The following SYNE1 variants were observed in gnomAD, a reference collection of about 807,000 sequenced individuals.
SYNE1 encodes spectrin repeat containing nuclear envelope protein 1.
A neutral mutation model predicts 1,111.0 loss-of-function variants in SYNE1; 616 were observed. That is an observed-to-expected ratio of 0.55 (90% CI 0.52 to 0.59). The LOEUF is 0.59. SYNE1 is among the 20% of genes least tolerant of loss of function. The probability of loss-of-function intolerance (pLI) is 0.00; values close to 1 mark genes in which losing one functional copy is unlikely to be tolerated. For missense variants in SYNE1, 10,006 were observed against 10,417.0 expected, an observed-to-expected ratio of 0.96 and a Z score of 1.72; for synonymous variants, 3,855 against 3,825.8, an observed-to-expected ratio of 1.01 and a Z score of -0.28.
rs111389056 is a variant in SYNE1, at chr6:152,297,171, A to G, written c.17683-3044T>C. Reference sequence around the variant, plus strand: ...CATTTCCCCCTCTCCTCCTCCTCCAATGTTTCTCCAATTACACTGAAACTA... The same window carrying G: ...CATTTCCCCCTCTCCTCCTCCTCCAGTGTTTCTCCAATTACACTGAAACTA... On this transcript the variant is annotated intron_variant, in intron 93 of 145. Coordinates refer to ENST00000367255, the MANE Select transcript of SYNE1 (RefSeq NM_182961.4). 3.5e-3 allele frequency among the ~76,000 whole-genome samples: 532 copies of G among 151,848 alleles called. 1 individual carries two copies. Among genetic ancestry groups the G allele is most frequent in the African/African-American group, 0.012 (501 of 41,398 alleles).
chr6:152,346,279 G>A (rs1225933675), intron 73 of SYNE1, among the ~76,000 whole-genome samples: 1 of 152,020 alleles, frequency 6.6e-6, no homozygotes, highest in Admixed American at 6.6e-5. Context: ...CGATTCTGCT[G>A]CCTCAGCCTC....
chr6:152,186,133 A>C (rs1042839648), intron 128 of SYNE1, among the ~76,000 whole-genome samples: 4 of 152,358 alleles, frequency 2.6e-5, no homozygotes, highest in Admixed American at 2.0e-4. Flanking sequence ...AAGAATAATA[A>C]CACAATGCCA....
At chr6:152,339,498 C>A in intron 74 of SYNE1, 132 bp from the exon 75 acceptor site, 1 of 1,313,540 alleles carries the variant, frequency 7.6e-7, no homozygotes, top group Non-Finnish European at 1.1e-6. Context: ...CCATTGTGTT[C>A]AAGTGACATA....
intron 128 of SYNE1, among the ~76,000 whole-genome samples, chr6:152,184,153 T>G (rs185944476): frequency 4.6e-4 from 70 of 152,310 alleles, no homozygotes; most frequent in Non-Finnish European, 9.0e-4. Context: ...TTGACTGATA[T>G]GGCCAGGCGC....
At chr6:152,134,965 TA>T in intron 142 of SYNE1, 138 bp downstream of exon 142, 1 of 1,143,458 alleles carries the variant, frequency 8.7e-7, no homozygotes, top group Non-Finnish European at 1.3e-6. Flanking sequence ...CACAGGGAGT[TA>T]AAAAAGTGTA....
At chr6:152,605,025 A>AGG (rs1565141044) in intron 3 of SYNE1, among the ~76,000 whole-genome samples, 18 of 67,460 alleles carry the variant, frequency 2.7e-4, no homozygotes, top group Middle Eastern at 6.4e-3. Flanking sequence ...AGAGAGAGAG[A>AGG]GAGAGAGAGA....
intron 37 of SYNE1, 135 bp from the exon 38 acceptor site, chr6:152,427,951 C>A (rs2098385586): frequency 7.7e-7 from 1 of 1,301,592 alleles, no homozygotes; most frequent in Non-Finnish European, 1.1e-6. Context: ...GATATGCCAG[C>A]ACAAAAATCC....
intron 77 of SYNE1, among the ~76,000 whole-genome samples, chr6:152,332,421 C>T (rs1190006302): frequency 1.3e-5 from 2 of 152,216 alleles, no homozygotes; most frequent in Non-Finnish European, 2.9e-5. Flanking sequence ...ACCAAGTTGC[C>T]TACTTCTTTC....
In SYNE1 at chr6:152,220,883, T is replaced by A. The variant is rs775870306; in HGVS notation, c.21820A>T (p.Ile7274Phe). 2 of 1,614,160 alleles carry A rather than the reference T, an allele frequency of 1.2e-6. No homozygotes were observed. Among genetic ancestry groups the A allele is most frequent in the Admixed American group, 1.7e-5 (1 of 60,024 alleles). ...CATGTGGCAACCTCATCATCGGCAATGTCCTTGTTTGTGGCTGCCTTCAAC... is the reference window on the plus strand; with the variant it reads ...CATGTGGCAACCTCATCATCGGCAAAGTCCTTGTTTGTGGCTGCCTTCAAC... ...ELLKAATNKD[I>F]ADDEVATWIQ... Residue 7274 changes from isoleucine (I) to phenylalanine (F), a missense_variant, in exon 119 of 146, where the codon ATT (isoleucine) becomes TTT (phenylalanine). Coordinates refer to ENST00000367255, the MANE Select transcript of SYNE1 (RefSeq NM_182961.4).
chr6:152,129,281 T>TCCCCCTTCTCGTCACTATC (rs1196613753), intron 145 of SYNE1: 4 of 152,146 alleles, frequency 2.6e-5, no homozygotes, highest in African/African-American at 4.8e-5. Flanking sequence ...ATAAGCGCTT[T>TCCCCCTTCTCGTCACTATC]CCCCCTTCTC....
intron 63 of SYNE1, among the ~76,000 whole-genome samples, chr6:152,363,357 G>A (rs1339708071): frequency 2.0e-4 from 30 of 149,768 alleles, no homozygotes; most frequent in Non-Finnish European, 4.2e-4. Context: ...AGCCGGGCAT[G>A]GTGGCGGGCG....
chr6:152,434,047 G>T, intron 33 of SYNE1, 102 bp from the exon 34 acceptor site: 1 of 1,114,334 alleles, frequency 9.0e-7, no homozygotes. Context: ...GAAGACATTT[G>T]TGACCATTTC....
At chr6:152,143,587 C>T (rs373013795) in intron 138 of SYNE1, 36 bp downstream of exon 138, 251 of 1,613,742 alleles carry the variant, frequency 1.6e-4, no homozygotes, top group Non-Finnish European at 2.0e-4. Flanking sequence ...ACTGTGGTTT[C>T]GCACAGGTCG....
At chr6:152,625,071 C>T (rs2099683206) in intron 3 of SYNE1, among the ~76,000 whole-genome samples, 1 of 152,098 alleles carries the variant, frequency 6.6e-6, no homozygotes, top group African/African-American at 2.4e-5. Context: ...GGAGAATGTT[C>T]TTATGAATTT....
At chr6:152,154,737 G>A (rs908390593) in intron 133 of SYNE1, among the ~76,000 whole-genome samples, 155 bp downstream of exon 133, 9 of 151,944 alleles carry the variant, frequency 5.9e-5, no homozygotes, top group Non-Finnish European at 1.3e-4. Flanking sequence ...GTATGACTAC[G>A]TATGAGGTCA....
intron 87 of SYNE1, among the ~76,000 whole-genome samples, chr6:152,313,525 C>T (rs897216840): frequency 5.4e-5 from 8 of 149,044 alleles, no homozygotes; most frequent in Admixed American, 2.7e-4. Context: ...TGCAATGGCG[C>T]GATCTAAGCT....
chr6:152,607,283 C>T (rs535529187), intron 3 of SYNE1, among the ~76,000 whole-genome samples: 4 of 152,034 alleles, frequency 2.6e-5, no homozygotes, highest in Admixed American at 6.6e-5. Context: ...CACACCTGGC[C>T]GAATGTCCTT....
At chr6:152,617,915 C>T (rs182003609) in intron 3 of SYNE1, among the ~76,000 whole-genome samples, 152 of 152,124 alleles carry the variant, frequency 1.0e-3, no homozygotes, top group African/African-American at 3.5e-3. Flanking sequence ...AGAAATTGTT[C>T]GGGGGATTGC....
At chr6:152,266,968 T>C (rs537657789) in intron 100 of SYNE1, among the ~76,000 whole-genome samples, 99 of 152,162 alleles carry the variant, frequency 6.5e-4, no homozygotes, top group African/African-American at 2.3e-3. Context: ...ATTCTAGTTC[T>C]TATCTACACA....
Sources: gnomAD v4.1 joint callset for allele counts (sites outside exome capture counted in the v4.1 genomes callset) on GRCh38, gnomAD v4.1.1 for gene constraint, MANE v1.5 for transcripts, NCBI Gene and HGNC (gene_info 2026-07-23, HGNC 2026-07-21) for gene names.